Variants in SMAP1 observed in about 807,000 individuals in gnomAD.
SMAP1 encodes the protein stromal membrane-associated protein 1.
A neutral mutation model predicts 58.5 loss-of-function variants in SMAP1; 24 were observed. That is an observed-to-expected ratio of 0.41 (90% confidence interval 0.30 to 0.58). SMAP1 has a LOEUF of 0.58. Among genes scored for constraint, SMAP1 ranks in the 20% least tolerant of loss-of-function variants. The probability of loss-of-function intolerance (pLI) is 0.29; values close to 1 mark genes in which losing one functional copy is unlikely to be tolerated. For missense variants in SMAP1, 563 were observed against 566.3 expected, an observed-to-expected ratio of 0.99 and a Z score of 0.06; for synonymous variants, 216 against 196.6, an observed-to-expected ratio of 1.10 and a Z score of -0.82.
intron 1 of SMAP1, among the ~76,000 whole-genome samples, chr6:70,722,525 A>G (rs1768574639): frequency 1.3e-5 from 2 of 152,226 alleles, no homozygotes; most frequent in African/African-American, 4.8e-5. Flanking sequence ...ACCCTAACCC[A>G]GTGGTGCTAG....
At chr6:70,767,111 T>A (rs1767024567) in intron 3 of SMAP1, among the ~76,000 whole-genome samples, 1 of 152,190 alleles carries the variant, frequency 6.6e-6, no homozygotes, top group African/African-American at 2.4e-5. Flanking sequence ...TCTTTATCTC[T>A]GTTTTGGTAC....
intron 4 of SMAP1, among the ~76,000 whole-genome samples, chr6:70,789,481 G>C (rs1768242373): frequency 6.6e-6 from 1 of 151,156 alleles, no homozygotes. Flanking sequence ...TTTCTGATTT[G>C]TTATGAATTC....
intron 1 of SMAP1, among the ~76,000 whole-genome samples, chr6:70,683,253 C>A (rs890508719): frequency 6.7e-6 from 1 of 149,232 alleles, no homozygotes; most frequent in Non-Finnish European, 1.5e-5. Context: ...TCATTGCAAC[C>A]TCCGCCTCCC....
Position 70,858,231 on chromosome 6 carries a change from T to TATC in SMAP1, c.1269+3_1269+4insTCA. 1 of 1,604,126 alleles carries TATC rather than the reference T, an allele frequency of 6.2e-7. No individual in the cohort carries two copies. The highest frequency in any genetic ancestry group is 8.5e-7 in the Non-Finnish European group (1 of 1,175,188). ...CAGCCCCAGTGGAGCCTCTCACAGG[T>TATC]AGGGGTCATTTACTTTCTAGCTTCT... is the stretch of plus-strand genomic sequence containing the variant. On this transcript the variant is annotated splice_region_variant and intron_variant, in intron 10 of 10. Transcript: ENST00000370455.
At chr6:70,815,434 A>G (rs1021201827) in intron 6 of SMAP1, among the ~76,000 whole-genome samples, 2 of 152,142 alleles carry the variant, frequency 1.3e-5, no homozygotes, top group African/African-American at 2.4e-5. Context: ...GGAATATGAT[A>G]CTCTTAGTAA....
intron 4 of SMAP1, 54 bp downstream of exon 4, chr6:70,773,479 T>C: frequency 2.0e-6 from 2 of 1,019,294 alleles, no homozygotes; most frequent in South Asian, 1.5e-5. Flanking sequence ...TTTCAAACTT[T>C]TAACATGCAA....
At chr6:70,772,939 C>A in intron 3 of SMAP1, 1 of 157,326 alleles carries the variant, frequency 6.4e-6, no homozygotes, top group South Asian at 1.9e-4. Context: ...TTAAAGGACC[C>A]AAAGTATGTA....
At chr6:70,678,693 G>A (rs185619432) in intron 1 of SMAP1, among the ~76,000 whole-genome samples, 9 of 152,292 alleles carry the variant, frequency 5.9e-5, no homozygotes, top group Admixed American at 5.9e-4. Flanking sequence ...TCCTTTTGGA[G>A]GTTCTAGGGG....
At chr6:70,677,976 G>A (rs946266319) in intron 1 of SMAP1, among the ~76,000 whole-genome samples, 2 of 152,154 alleles carry the variant, frequency 1.3e-5, no homozygotes, top group African/African-American at 2.4e-5. Flanking sequence ...CAGATGTTAG[G>A]TAGAACTGTG....
At chr6:70,771,534 G>T (rs991656161) in intron 3 of SMAP1, among the ~76,000 whole-genome samples, 3 of 152,180 alleles carry the variant, frequency 2.0e-5, no homozygotes, top group African/African-American at 4.8e-5. Context: ...CAAGACTCCG[G>T]GGGCGTAGGA....
chr6:70,801,237 C>T (rs570475878), intron 6 of SMAP1, among the ~76,000 whole-genome samples: 21 of 152,184 alleles, frequency 1.4e-4, no homozygotes, highest in African/African-American at 4.1e-4. Flanking sequence ...GGTATCTCAT[C>T]GTGGTTTTGA....
chr6:70,820,482 C>T (rs541888340), intron 6 of SMAP1, among the ~76,000 whole-genome samples: 26 of 152,198 alleles, frequency 1.7e-4, no homozygotes, highest in African/African-American at 5.3e-4. Context: ...GAGGCCGAGG[C>T]GGGCGGATCA....
intron 1 of SMAP1, among the ~76,000 whole-genome samples, chr6:70,671,533 G>A (rs546220622): frequency 1.3e-5 from 2 of 152,272 alleles, no homozygotes; most frequent in East Asian, 1.9e-4. Flanking sequence ...AGCCGAGATC[G>A]CGCCACTGTA....
At chr6:70,673,017 T>G (rs1766331906) in intron 1 of SMAP1, among the ~76,000 whole-genome samples, 1 of 151,180 alleles carries the variant, frequency 6.6e-6, no homozygotes. Flanking sequence ...AAATCCTGAG[T>G]TAGGAGATGT....
rs1033206451 is a variant in SMAP1, at chr6:70,719,327, T to G, written c.119-13051T>G. Among the ~76,000 whole-genome samples, 5 of 152,314 alleles carry G rather than the reference T, an allele frequency of 3.3e-5. No homozygotes were observed. In the East Asian group the frequency reaches 9.6e-4, roughly 29 times the overall value. On this transcript the variant is annotated intron_variant, in intron 1 of 10. Coordinates refer to ENST00000370455, the MANE Select transcript of SMAP1 (RefSeq NM_001044305.3). Reference sequence around the variant, plus strand: ...TTTAAAAAATTCTTTTTATTATTATTGTCATTGAATGGTTATACACAAGTA... The same window carrying G: ...TTTAAAAAATTCTTTTTATTATTATGGTCATTGAATGGTTATACACAAGTA...
At chr6:70,842,255 C>T (rs1770832530) in intron 7 of SMAP1, among the ~76,000 whole-genome samples, 1 of 152,162 alleles carries the variant, frequency 6.6e-6, no homozygotes, top group South Asian at 2.1e-4. Context: ...AAAGTATGTT[C>T]AGTGAACTAT....
At chr6:70,679,801 G>A (rs964928045) in intron 1 of SMAP1, among the ~76,000 whole-genome samples, 1 of 152,264 alleles carries the variant, frequency 6.6e-6, no homozygotes, top group East Asian at 1.9e-4. Flanking sequence ...TAAGATGTCA[G>A]TTCTCTCCAA....
At chr6:70,771,585 G>A (rs138802222) in intron 3 of SMAP1, among the ~76,000 whole-genome samples, 1,652 of 152,280 alleles carry the variant, frequency 0.011, 35 homozygotes, top group African/African-American at 0.037. Context: ...CTGGTGCACC[G>A]TTTTTTAAGC....
intron 1 of SMAP1, among the ~76,000 whole-genome samples, chr6:70,676,457 G>T (rs1383755807): frequency 1.3e-5 from 2 of 152,188 alleles, no homozygotes; most frequent in African/African-American, 4.8e-5. Context: ...ATTGAGATGA[G>T]ATAGGGGTGG....
Sources: gnomAD v4.1 joint callset for allele counts (sites outside exome capture counted in the v4.1 genomes callset) on GRCh38, gnomAD v4.1.1 for gene constraint, MANE v1.5 for transcripts, NCBI Gene and HGNC (gene_info 2026-07-23, HGNC 2026-07-21) for gene names.